POU5F1: variants seen among roughly 807,000 people sequenced by gnomAD.
POU5F1 encodes the protein POU class 5 homeobox 1.
POU5F1 carries 6 observed loss-of-function variants against 38.3 expected under a neutral mutation model. That is an observed-to-expected ratio of 0.16 (90% CI 0.09 to 0.31). The LOEUF (loss-of-function observed/expected upper bound fraction) is 0.31. Ranked by LOEUF, POU5F1 falls within the 10% of genes least tolerant of loss-of-function variation. The pLI, the probability that POU5F1 is intolerant of heterozygous loss-of-function variation, is 1.00. For missense variants in POU5F1, 286 were observed against 462.6 expected (o/e 0.62, Z 3.50); for synonymous variants, 147 against 194.9 (o/e 0.75, Z 2.05).
At chr6:31,164,966 C>T in intron 4 of POU5F1, 99 bp from the exon 5 acceptor site, 1 of 1,554,032 alleles carries the variant, frequency 6.4e-7, no homozygotes, top group Non-Finnish European at 8.7e-7. Context: ...AGCCCTAGAG[C>T]AGTTAGAGGA....
At chr6:31,169,217 C>A (rs71563311) in intron 1 of POU5F1, among the ~76,000 whole-genome samples, 2,499 of 152,242 alleles carry the variant, frequency 0.016, 34 homozygotes, top group Middle Eastern at 0.024. Context: ...GAGCACACAG[C>A]CAGGCACTTA....
chr6:31,167,957 C>CG (rs138614825), intron 1 of POU5F1, among the ~76,000 whole-genome samples: 3 of 151,038 alleles, frequency 2.0e-5, no homozygotes, highest in Non-Finnish European at 2.9e-5. Context: ...TTTTTCTCCC[C>CG]ACCAAGACGG....
In POU5F1 at chr6:31,165,137, G is replaced by C. The variant is rs772966815; in HGVS notation, c.807C>G (p.Leu269=). Residue 269 remains leucine (L), a synonymous_variant, in exon 4 of 5, where the codon CTC becomes CTG. Coordinates refer to ENST00000259915, the MANE Select transcript of POU5F1 (RefSeq NM_002701.6). This position sits in a 1 kb window ranked among gnomAD's most constrained non-coding sequence, Gnocchi z 6.5. ...QISHIAQQLG[L]EKDVVRVWFC... ...GAGACATGGCACTCACATCCTTCTC[G>C]AGCCCAAGCTGCTGGGCGATGTGGC... 6.2e-7 allele frequency: 1 copy of C among 1,608,536 alleles called. No homozygotes were observed. Among genetic ancestry groups the C allele is most frequent in the Non-Finnish European group, 8.5e-7 (1 of 1,177,754 alleles).
intron 1 of POU5F1, among the ~76,000 whole-genome samples, chr6:31,168,225 C>T (rs1777419330): frequency 6.9e-6 from 1 of 145,972 alleles, no homozygotes; most frequent in South Asian, 2.2e-4. Flanking sequence ...TGAACCACCG[C>T]ACCTAGCCTC....
intron 1 of POU5F1, among the ~76,000 whole-genome samples, chr6:31,167,435 G>A (rs1366082434): frequency 1.3e-5 from 2 of 151,380 alleles, no homozygotes; most frequent in Non-Finnish European, 2.9e-5. Flanking sequence ...CAGTCTGGGC[G>A]CAGTGGTCAT....
chr6:31,164,408 A>G lies in POU5F1; in HGVS notation c.*193T>C. On this transcript the variant is annotated 3_prime_UTR_variant, in exon 5 of 5. Transcript: ENST00000259915. ...AAGTGATACATGATGTGGGATTAAA[A>G]TCAAGAGCATCATTGAACTTCACCT... is the stretch of plus-strand genomic sequence containing the variant. The G allele has an allele frequency of 9.0e-7, 1 of 1,111,624 alleles. No individual in the cohort carries two copies. Among genetic ancestry groups the G allele is most frequent in the Non-Finnish European group, 1.3e-6 (1 of 790,396 alleles). The allele number at this position is 1,111,624 out of a possible 1,614,324, so 68.9% of individuals were successfully genotyped here.
chr6:31,166,139 G>A (rs1366683434), intron 1 of POU5F1, 92 bp from the exon 2 acceptor site: 7 of 1,613,436 alleles, frequency 4.3e-6, no homozygotes, highest in Non-Finnish European at 5.9e-6. Flanking sequence ...CCTACGTGTG[G>A]CCCCAAGGAA....
rs367652843 is a variant in POU5F1, at chr6:31,165,707, G to A, written c.527-6C>T. On this transcript the variant is annotated splice_polypyrimidine_tract_variant and splice_region_variant and intron_variant, in intron 2 of 4. Coordinates refer to ENST00000259915, the MANE Select transcript of POU5F1 (RefSeq NM_002701.6). The surrounding 1 kb of genome is among the most constrained non-coding windows in gnomAD (Gnocchi z 6.5). Reference sequence around the variant, plus strand: ...CGTTTGGCTGAATACCTTCCCTGGGGGAGGCCAGTCAAAAGAGAAGCAAAG... The same window carrying A: ...CGTTTGGCTGAATACCTTCCCTGGGAGAGGCCAGTCAAAAGAGAAGCAAAG... 760 of 1,608,446 alleles carry A rather than the reference G, an allele frequency of 4.7e-4. 17 individuals are homozygous for A. The South Asian group carries it at 6.2e-3, about 13-fold the overall frequency.
chr6:31,167,098 C>T (rs1777328204), intron 1 of POU5F1: 2 of 496,978 alleles, frequency 4.0e-6, no homozygotes, highest in Non-Finnish European at 7.6e-6. Context: ...TCCAGCATGA[C>T]AGAAGTGCTA....
Position 31,165,299 on chromosome 6 carries a change from GA to G in POU5F1, c.658-14del. The G allele has an allele frequency of 6.2e-7, 1 of 1,607,390 alleles. No individual in the cohort carries two copies. Among genetic ancestry groups the G allele is most frequent in the Non-Finnish European group, 8.5e-7 (1 of 1,176,910 alleles). On this transcript the variant is annotated splice_polypyrimidine_tract_variant and intron_variant, in intron 3 of 4. Transcript: ENST00000259915. The surrounding 1 kb of genome is among the most constrained non-coding windows in gnomAD (Gnocchi z 6.5). ...CTGCTTTGCATATCTGTGCAGGTGGGAAGGGGGTGACAAGGGCAAGCTTTGG... is the reference window on the plus strand; with the variant it reads ...CTGCTTTGCATATCTGTGCAGGTGGGAGGGGGTGACAAGGGCAAGCTTTGG...
chr6:31,165,578 A>G lies in POU5F1; in HGVS notation c.650T>C (p.Leu217Pro). 1 of 1,614,036 alleles carries G rather than the reference A, an allele frequency of 6.2e-7. No homozygotes were observed. Among genetic ancestry groups the G allele is most frequent in the Non-Finnish European group, 8.5e-7 (1 of 1,180,040 alleles). The change falls in exon 3 of 5, where the codon CTT becomes CCT. Residue 217 changes from leucine (L) to proline (P), a missense_variant. By Grantham distance (98) the Leu-to-Pro change is moderately conservative (BLOSUM62 -3). This residue lies in a region of POU5F1 where 110 missense variants were observed against 277.8 expected (regional missense o/e 0.40). Coordinates refer to ENST00000259915, the MANE Select transcript of POU5F1 (RefSeq NM_002701.6). This position sits in a 1 kb window ranked among gnomAD's most constrained non-coding sequence, Gnocchi z 6.5. ...WVEEADNNEN[L>P]QEICKAETLV... is the part of the protein sequence containing the mutation. ...TCCCCCTCCCACCCTTACCTCCTGA[A>G]GATTTTCATTGTTGTCAGCTTCCTC...
Position 31,165,546 on chromosome 6 carries a change from C to G in POU5F1, c.657+25G>C. Reference sequence around the variant, plus strand: ...AATTAGGCCAAGAAAGGGAAGGTCCCCGGGTATCCCCCTCCCACCCTTACC... The same window carrying G: ...AATTAGGCCAAGAAAGGGAAGGTCCGCGGGTATCCCCCTCCCACCCTTACC... On this transcript the variant is annotated intron_variant, in intron 3 of 4. Coordinates refer to ENST00000259915, the MANE Select transcript of POU5F1 (RefSeq NM_002701.6). This position sits in a 1 kb window ranked among gnomAD's most constrained non-coding sequence, Gnocchi z 6.5. 1 of 1,612,908 alleles carries G rather than the reference C, an allele frequency of 6.2e-7. No individual in the cohort carries two copies. Among genetic ancestry groups the G allele is most frequent in the South Asian group, 1.1e-5 (1 of 91,038 alleles).
In POU5F1 at chr6:31,170,464, G is replaced by A; in HGVS notation, c.157C>T (p.Pro53Ser). ...GGAATCCCCCACACCTCAGAGCCTG[G>A]CCCAACCCCCGGCCCGATTCCTGGC... is the stretch of plus-strand genomic sequence containing the variant. ...GGPGIGPGVG[P>S]GSEVWGIPPC... The change falls in exon 1 of 5, where the codon CCA becomes TCA. Residue 53 changes from proline to serine, a missense_variant. By Grantham distance (74) the Pro-to-Ser change is moderately conservative. This residue lies in a region of POU5F1 where 176 missense variants were observed against 184.8 expected (regional missense o/e 0.95). Coordinates refer to ENST00000259915, the MANE Select transcript of POU5F1 (RefSeq NM_002701.6). The A allele has an allele frequency of 1.2e-6, 2 of 1,608,098 alleles. No homozygotes were observed. Among genetic ancestry groups the A allele is most frequent in the Middle Eastern group, 1.9e-4 (1 of 5,320 alleles).
In POU5F1 at chr6:31,164,437, C is replaced by T; in HGVS notation, c.*164G>A. On this transcript the variant is annotated 3_prime_UTR_variant, in exon 5 of 5. Transcript: ENST00000259915. ...AGAGCATCATTGAACTTCACCTTCCCTCCAACCAGTTGCCCCAAACTCCCC... is the reference window on the plus strand; with the variant it reads ...AGAGCATCATTGAACTTCACCTTCCTTCCAACCAGTTGCCCCAAACTCCCC... 1 of 1,053,266 alleles carries T rather than the reference C, an allele frequency of 9.5e-7. No individual in the cohort carries two copies. The highest frequency in any genetic ancestry group is 1.4e-6 in the Non-Finnish European group (1 of 736,580). The allele number at this position is 1,053,266 out of a possible 1,614,324, so 65.2% of individuals were successfully genotyped here.
At chr6:31,166,238 T>TC in intron 1 of POU5F1, 191 bp from the exon 2 acceptor site, 1 of 1,548,860 alleles carries the variant, frequency 6.5e-7, no homozygotes, top group South Asian at 1.2e-5. Context: ...CATTCCCTGT[T>TC]CACTGACTCA....
intron 1 of POU5F1, chr6:31,167,029 A>G (rs1484264122): frequency 1.5e-6 from 1 of 654,678 alleles, no homozygotes; most frequent in Non-Finnish European, 2.6e-6. Flanking sequence ...AATTCAAGAG[A>G]TTTATCGAGC....
At chr6:31,168,954 G>T (rs991041309) in intron 1 of POU5F1, among the ~76,000 whole-genome samples, 1 of 152,170 alleles carries the variant, frequency 6.6e-6, no homozygotes, top group Admixed American at 6.5e-5. Flanking sequence ...CCTCAAGGAA[G>T]TGTTTCAATG....
At chr6:31,166,850 G>A (rs1388044631) in intron 1 of POU5F1, 3 of 1,244,380 alleles carry the variant, frequency 2.4e-6, no homozygotes, top group Non-Finnish European at 3.1e-6. Flanking sequence ...TTGCTTTGAG[G>A]GTCCCACAAA....
In POU5F1 at chr6:31,170,523, C is replaced by T. The variant is rs758911777; in HGVS notation, c.98G>A (p.Arg33Gln). 99 of 1,587,342 alleles carry T rather than the reference C, an allele frequency of 6.2e-5. 1 individual carries two copies. The Admixed American group carries it at 1.0e-3, about 17-fold the overall frequency. ...GGPEPGWVDPRTWLSFQGPPG... is the reference protein window; with the variant it reads ...GGPEPGWVDPQTWLSFQGPPG... ...AGGGCCTTGGAAGCTTAGCCAGGTC[C>T]GAGGATCAACCCAGCCCGGCTCCGG... is the stretch of plus-strand genomic sequence containing the variant. The change falls in exon 1 of 5, where the codon CGG (arginine) becomes CAG (glutamine). Residue 33 changes from arginine (R) to glutamine (Q), a missense_variant. Arg to Gln is a conservative substitution (Grantham distance 43). Around this residue, in one of 2 missense-constraint regions of POU5F1, gnomAD observed 176 missense variants for 184.8 expected, o/e 0.95. Coordinates refer to ENST00000259915, the MANE Select transcript of POU5F1 (RefSeq NM_002701.6).
Sources: allele counts gnomAD v4.1 joint callset (sites outside exome capture counted in the v4.1 genomes callset), GRCh38; gene constraint gnomAD v4.1.1; regional missense constraint gnomAD v4.1.1; non-coding constraint Gnocchi (gnomAD v3.1); transcripts MANE v1.5; gene names NCBI Gene and HGNC (gene_info 2026-07-23, HGNC 2026-07-21).